DLGAP2: variants seen among roughly 807,000 people sequenced by gnomAD.
DLGAP2 encodes disks large-associated protein 2.
In DLGAP2, 26 loss-of-function variants were observed where a neutral mutation model predicts 100.3. The ratio of observed to expected loss-of-function variants is 0.26; its 90% CI spans 0.19 to 0.36. The LOEUF is 0.36. Ranked by LOEUF, DLGAP2 falls within the 10% of genes least tolerant of loss-of-function variation. The pLI is 1.00. For synonymous variants in DLGAP2, 886 were observed against 630.1 expected, an observed-to-expected ratio of 1.41 and a Z score of -6.08; for missense variants, 1,858 against 1,453.2, an observed-to-expected ratio of 1.28 and a Z score of -4.53.
Position 1,453,249 on chromosome 8 carries a change from C to T in DLGAP2, c.107-48117C>T, listed in dbSNP as rs137925540. ...AGCTGGGACGGAGACGGGAATGGGC[C>T]GTGCTGGCCGGTCAGGCTGGGGAGA... On this transcript the variant is annotated intron_variant, in intron 3 of 14. Transcript: ENST00000637795. Among the ~76,000 whole-genome samples, 375 of 152,170 alleles carry T rather than the reference C, an allele frequency of 2.5e-3. 3 individuals are homozygous for T. The highest frequency in any genetic ancestry group is 7.9e-3 in the African/African-American group (329 of 41,510).
chr8:1,039,442 G>A (rs1802236651), intron 2 of DLGAP2, among the ~76,000 whole-genome samples: 2 of 145,418 alleles, frequency 1.4e-5, no homozygotes, highest in African/African-American at 5.1e-5. Context: ...TCGGCTCGGT[G>A]TGTGTGGTTG....
intron 1 of DLGAP2, among the ~76,000 whole-genome samples, chr8:825,227 A>C (rs6420233): frequency 0.99 from 151,355 of 152,286 alleles, 75,227 homozygotes; most frequent in Middle Eastern, 1. Context: ...ACGCCTGAGA[A>C]CCAAGTACCT....
At chr8:1,695,867 C>A (rs912487543) in intron 13 of DLGAP2, among the ~76,000 whole-genome samples, 21 of 152,252 alleles carry the variant, frequency 1.4e-4, no homozygotes, top group Non-Finnish European at 2.9e-5. Flanking sequence ...TCCCCACCCA[C>A]AGAGGCTGAG....
intron 2 of DLGAP2, among the ~76,000 whole-genome samples, chr8:1,062,465 C>G (rs767684088): frequency 1.3e-5 from 2 of 152,152 alleles, no homozygotes; most frequent in African/African-American, 4.8e-5. Context: ...ATGCTGCAGA[C>G]GGAGTGGCAG....
At chr8:1,203,106 TTTTG>T (rs148229642) in intron 2 of DLGAP2, among the ~76,000 whole-genome samples, 29,236 of 151,952 alleles carry the variant, frequency 0.19, 3,079 homozygotes, top group East Asian at 0.38. Context: ...CTCTTAGGGT[TTTTG>T]TTTGTTTGTT....
At position 1,050,795 on chromosome 8, in the gene DLGAP2, G is replaced by C. The variant is rs117816851; in HGVS notation, c.73+142829G>C. Reference sequence around the variant, plus strand: ...AAGGGCAGATTCTCAGAAACCTTGAGTCAGGAGGTCTGTGGAGGGATGAAA... The same window carrying C: ...AAGGGCAGATTCTCAGAAACCTTGACTCAGGAGGTCTGTGGAGGGATGAAA... On this transcript the variant is annotated intron_variant, in intron 2 of 14. Transcript: ENST00000637795. 6.1e-4 allele frequency among the ~76,000 whole-genome samples: 93 copies of C among 152,298 alleles called. No homozygotes were observed. In the East Asian group the frequency reaches 0.016, roughly 26 times the overall value.
chr8:1,297,017 A>C (rs1429718822), intron 3 of DLGAP2: 1 of 152,314 alleles, frequency 6.6e-6, no homozygotes, highest in Non-Finnish European at 1.5e-5. Flanking sequence ...GAAGGAACTC[A>C]AGGAGCCGGA....
intron 2 of DLGAP2, among the ~76,000 whole-genome samples, chr8:995,659 C>G (rs1402788726): frequency 6.6e-6 from 1 of 152,180 alleles, no homozygotes; most frequent in Non-Finnish European, 1.5e-5. Context: ...TCTAAGATGG[C>G]TAACACACCA....
rs535094796 is a variant in DLGAP2 at position 1,704,400 on chromosome 8, G to A, written c.*2994G>A. 50 of 152,326 alleles carry A rather than the reference G, an allele frequency of 3.3e-4. No homozygotes were observed. Among genetic ancestry groups the A allele is most frequent in the African/African-American group, 1.1e-3 (45 of 41,562 alleles). The allele number at this position is 152,326 out of a possible 1,614,324, so 9.4% of individuals were successfully genotyped here. A position where few individuals can be genotyped will look rare whatever the true frequency, so the allele number is the denominator to read the frequency against. On this transcript the variant is annotated 3_prime_UTR_variant, in exon 15 of 15. Transcript: ENST00000637795. ...GGTTGATCCTGCTGTGTTGAAGGCTGTGGTTAATAAAACACAAGTATGATA... is the reference window on the plus strand; with the variant it reads ...GGTTGATCCTGCTGTGTTGAAGGCTATGGTTAATAAAACACAAGTATGATA...
At chr8:1,347,542 G>A (rs1342846936) in intron 3 of DLGAP2, among the ~76,000 whole-genome samples, 6 of 152,000 alleles carry the variant, frequency 3.9e-5, no homozygotes, top group South Asian at 2.1e-4. Context: ...GTAGCTGTGC[G>A]GAGGTTTTGT....
intron 3 of DLGAP2, among the ~76,000 whole-genome samples, chr8:1,457,468 C>G (rs1011843141): frequency 6.6e-6 from 1 of 152,138 alleles, no homozygotes. Flanking sequence ...CTCCTAGAAA[C>G]ATAGGTTTGT....
chr8:1,040,962 G>A (rs561308387), intron 2 of DLGAP2, among the ~76,000 whole-genome samples: 1 of 152,238 alleles, frequency 6.6e-6, no homozygotes, highest in East Asian at 1.9e-4. Context: ...CTGTAAAGGT[G>A]CAGGGTGTTT....
chr8:910,344 A>G (rs1312994152), intron 2 of DLGAP2: 1 of 152,196 alleles, frequency 6.6e-6, no homozygotes, highest in Admixed American at 6.5e-5. Flanking sequence ...TAAATATCCT[A>G]TCGTTTTCTC....
At chr8:781,494 AC>A (rs36092796) in intron 1 of DLGAP2, among the ~76,000 whole-genome samples, 1,767 of 152,304 alleles carry the variant, frequency 0.012, 25 homozygotes, top group Non-Finnish European at 0.017. Context: ...GAGACTTGCT[AC>A]AACTGTGATT....
At chr8:1,167,397 A>T (rs1266824784) in intron 2 of DLGAP2, among the ~76,000 whole-genome samples, 1 of 152,106 alleles carries the variant, frequency 6.6e-6, no homozygotes, top group Non-Finnish European at 1.5e-5. Flanking sequence ...AAAGGCAGAG[A>T]GGGGTGAGGC....
At chr8:1,626,551 GGTTGGA>G (rs1797505563) in intron 6 of DLGAP2, among the ~76,000 whole-genome samples, 183 bp from the exon 7 acceptor site, 31 of 148,594 alleles carry the variant, frequency 2.1e-4, no homozygotes, top group Non-Finnish European at 2.4e-4. Context: ...TCTGGGTGTG[GGTTGGA>G]CGGCTGTTCC....
intron 6 of DLGAP2, among the ~76,000 whole-genome samples, chr8:1,568,450 C>T (rs954820419): frequency 6.7e-6 from 1 of 148,852 alleles, no homozygotes; most frequent in African/African-American, 2.5e-5. Context: ...TGCCCGTGGC[C>T]CCCGTGCCAC....
chr8:915,135 T>C (rs938735658), intron 2 of DLGAP2, among the ~76,000 whole-genome samples: 14 of 152,136 alleles, frequency 9.2e-5, no homozygotes, highest in African/African-American at 2.9e-4. Flanking sequence ...TGAAATCTCT[T>C]CCTAAATTGA....
intron 3 of DLGAP2, among the ~76,000 whole-genome samples, chr8:1,491,252 C>G (rs540703802): frequency 1.2e-4 from 19 of 152,112 alleles, no homozygotes; most frequent in Non-Finnish European, 2.6e-4. Flanking sequence ...ACTGGCGTCC[C>G]AGGTTGCCTG....
Sources: gnomAD v4.1 joint callset for allele counts (sites outside exome capture counted in the v4.1 genomes callset) on GRCh38, gnomAD v4.1.1 for gene constraint, MANE v1.5 for transcripts, NCBI Gene and HGNC (gene_info 2026-07-23, HGNC 2026-07-21) for gene names.